The following BTBD8 variants were observed in gnomAD, a reference collection of about 807,000 sequenced individuals.
BTBD8 encodes BTB/POZ domain-containing protein 8.
A neutral mutation model predicts 162.9 loss-of-function variants in BTBD8; 110 were observed. The observed-to-expected ratio is 0.68, with a 90% CI of 0.58 to 0.79. The LOEUF (loss-of-function observed/expected upper bound fraction) is 0.79. Ranked by LOEUF, BTBD8 falls within the 30% of genes least tolerant of loss-of-function variation. The probability of loss-of-function intolerance (pLI) is 0.00; values close to 1 mark genes in which losing one functional copy is unlikely to be tolerated. For synonymous variants in BTBD8, 667 were observed against 716.1 expected (o/e 0.93, Z 1.10); for missense variants, 1,905 against 2,085.4 (o/e 0.91, Z 1.68).
chr1:92,177,350 C>G lies in BTBD8; in HGVS notation c.2157C>G (p.Cys719Trp). 3 of 1,551,800 alleles carry G rather than the reference C, an allele frequency of 1.9e-6. No individual in the cohort carries two copies. Among genetic ancestry groups the G allele is most frequent in the Non-Finnish European group, 2.6e-6 (3 of 1,147,030 alleles). Residue 719 changes from cysteine (C) to tryptophan (W), a missense_variant, in exon 14 of 18, where the codon TGC becomes TGG. Transcript: ENST00000636805. ...AAGCTACAGGGAAGGATTCACCATG[C>G]CTCAGCATCGCAGGACCCTCCAGCA... ...LKKATGKDSP[C>W]LSIAGPSSRS...
At chr1:92,100,251 G>GT (rs1381140707) in intron 2 of BTBD8, among the ~76,000 whole-genome samples, 1 of 151,960 alleles carries the variant, frequency 6.6e-6, no homozygotes, top group Non-Finnish European at 1.5e-5. Flanking sequence ...TTTGTTGAGG[G>GT]TTTTTTTATT....
intron 13 of BTBD8, among the ~76,000 whole-genome samples, chr1:92,176,238 A>G (rs565247050): frequency 8.9e-4 from 135 of 152,224 alleles, no homozygotes; most frequent in Non-Finnish European, 1.6e-3. Context: ...GAAAATCTTT[A>G]TAATGTCCCT....
At chr1:92,149,850 C>T (rs1420141958) in intron 9 of BTBD8, among the ~76,000 whole-genome samples, 4 of 152,156 alleles carry the variant, frequency 2.6e-5, no homozygotes, top group Admixed American at 6.5e-5. Context: ...ATACCCATAG[C>T]GTCCAGACTG....
rs1650927686 is a variant in BTBD8 at position 92,182,073 on chromosome 1, G to T, written c.4390G>T (p.Asp1464Tyr). Reference protein sequence around the residue: ...EVHTPFQASVDSFSPSDVFDG... With the variant: ...EVHTPFQASVYSFSPSDVFDG... ...CCATACTCCCTTTCAGGCTTCTGTA[G>T]ATTCTTTTTCACCTTCTGATGTTTT... is the stretch of plus-strand genomic sequence containing the variant. The change falls in exon 17 of 18, where the codon GAT (aspartate) becomes TAT (tyrosine). Residue 1464 changes from aspartate (D) to tyrosine (Y), a missense_variant. Physicochemically the swap from Asp to Tyr is radical, Grantham distance 160 (BLOSUM62 -3). Around this residue, in one of 3 missense-constraint regions of BTBD8, gnomAD observed 517 missense variants for 606.6 expected, o/e 0.85. Transcript: ENST00000636805. 1.3e-6 allele frequency: 2 copies of T among 1,551,516 alleles called. No homozygotes were observed. Among genetic ancestry groups the T allele is most frequent in the African/African-American group, 1.4e-5 (1 of 73,120 alleles).
At chr1:92,152,423 A>T (rs753247203) in intron 9 of BTBD8, among the ~76,000 whole-genome samples, 1 of 152,214 alleles carries the variant, frequency 6.6e-6, no homozygotes, top group Non-Finnish European at 1.5e-5. Flanking sequence ...ACATAGAATC[A>T]CACAGGTTAA....
chr1:92,181,220 G>T lies in BTBD8; in HGVS notation c.3537G>T (p.Leu1179Phe). The change falls in exon 17 of 18, where the codon TTG (leucine) becomes TTT (phenylalanine). Residue 1179 changes from leucine to phenylalanine, a missense_variant. Coordinates refer to ENST00000636805, the MANE Select transcript of BTBD8 (RefSeq NM_001376131.1). ...AAGGACTGACAATTCCTAGTAAGTTGTCAGATGAATCTGCTATGGATGAAG... is the reference window on the plus strand; with the variant it reads ...AAGGACTGACAATTCCTAGTAAGTTTTCAGATGAATCTGCTATGGATGAAG... ...PVEGLTIPSK[L>F]SDESAMDEDK... 6.4e-7 allele frequency: 1 copy of T among 1,551,766 alleles called. No individual in the cohort carries two copies. The highest frequency in any genetic ancestry group is 8.7e-7 in the Non-Finnish European group (1 of 1,146,996).
At chr1:92,177,932 T>C (rs1447054189) in intron 15 of BTBD8, 34 bp downstream of exon 15, 8 of 1,084,654 alleles carry the variant, frequency 7.4e-6, no homozygotes, top group Non-Finnish European at 1.1e-5. Context: ...ACCTATCTGT[T>C]AGCTTTCTCT....
intron 2 of BTBD8, among the ~76,000 whole-genome samples, chr1:92,101,475 G>A (rs931826084): frequency 3.9e-5 from 6 of 152,100 alleles, no homozygotes; most frequent in African/African-American, 7.2e-5. Flanking sequence ...GACAGCTCCC[G>A]CAGGCACACT....
chr1:92,085,610 C>G (rs1032806419), intron 1 of BTBD8, among the ~76,000 whole-genome samples: 1 of 151,926 alleles, frequency 6.6e-6, no homozygotes. Flanking sequence ...CACACCTGTA[C>G]TCCCAGCTAC....
chr1:92,132,949 A>C (rs550051478), intron 5 of BTBD8, among the ~76,000 whole-genome samples: 1 of 152,144 alleles, frequency 6.6e-6, no homozygotes, highest in South Asian at 2.1e-4. Context: ...TTATTATCAC[A>C]CAGTGCTATG....
At position 92,172,918 on chromosome 1, in the gene BTBD8, A is replaced by G. The variant is rs368161513; in HGVS notation, c.1635+1458A>G. Among the ~76,000 whole-genome samples the G allele has an allele frequency of 1.1e-3, 161 of 152,148 alleles. 1 individual carries two copies. The South Asian group carries it at 0.012, about 11-fold the overall frequency. On this transcript the variant is annotated intron_variant, in intron 13 of 17. Coordinates refer to ENST00000636805, the MANE Select transcript of BTBD8 (RefSeq NM_001376131.1). ...ACTATAAGTTGGAGAGTAGCTACAC[A>G]CCATAGCTCCTCTTTTTATTTTTTG...
chr1:92,100,746 A>T (rs1648568776), intron 2 of BTBD8, among the ~76,000 whole-genome samples: 1 of 151,928 alleles, frequency 6.6e-6, no homozygotes, highest in Non-Finnish European at 1.5e-5. Context: ...AGTAGCTGGG[A>T]TTACAGGCAC....
At chr1:92,157,687 A>G (rs1487783987) in intron 9 of BTBD8, among the ~76,000 whole-genome samples, 3 of 150,348 alleles carry the variant, frequency 2.0e-5, no homozygotes, top group African/African-American at 7.4e-5. Flanking sequence ...TGGTAGGGAT[A>G]GGGTCTTGCT....
intron 5 of BTBD8, among the ~76,000 whole-genome samples, chr1:92,138,756 G>A (rs976992516): frequency 6.6e-6 from 1 of 152,202 alleles, no homozygotes; most frequent in Non-Finnish European, 1.5e-5. Context: ...AACAGAAAGA[G>A]GACTAAGTTT....
At chr1:92,086,612 C>T (rs964683800) in intron 1 of BTBD8, among the ~76,000 whole-genome samples, 2 of 150,952 alleles carry the variant, frequency 1.3e-5, no homozygotes, top group Non-Finnish European at 2.9e-5. Flanking sequence ...GCCTGGGCAA[C>T]AGGGCAAGAC....
intron 2 of BTBD8, among the ~76,000 whole-genome samples, chr1:92,089,105 G>A (rs1284216541): frequency 6.6e-6 from 1 of 152,070 alleles, no homozygotes; most frequent in Non-Finnish European, 1.5e-5. Context: ...AGTACTGGTA[G>A]TACAATATTA....
At position 92,080,643 on chromosome 1, in the gene BTBD8, G is replaced by T; in HGVS notation, c.72G>T (p.Gly24=). The T allele has an allele frequency of 6.2e-7, 1 of 1,613,916 alleles. No homozygotes were observed. The highest frequency in any genetic ancestry group is 8.5e-7 in the Non-Finnish European group (1 of 1,179,884). The change falls in exon 1 of 18, where the codon GGG becomes GGT. Residue 24 remains glycine (G), a synonymous_variant. Transcript: ENST00000636805. ...LLGSAGVCSK[G]LQRKGPCERR... is the part of the protein sequence containing the mutation. ...GGTCCGCTGGAGTTTGCAGTAAGGG[G>T]TTGCAAAGGAAGGGGCCGTGTGAGC...
chr1:92,121,208 T>C (rs1649201280), intron 4 of BTBD8, among the ~76,000 whole-genome samples: 1 of 152,244 alleles, frequency 6.6e-6, no homozygotes, highest in Non-Finnish European at 1.5e-5. Context: ...AATGAAAAAA[T>C]AATCTTACAT....
At chr1:92,118,803 C>CTTTTTTTTTTTTTTT (rs386367658) in intron 4 of BTBD8, among the ~76,000 whole-genome samples, 38 of 95,272 alleles carry the variant, frequency 4.0e-4, no homozygotes, top group Admixed American at 6.2e-4. Context: ...TTCTTTCTTT[C>CTTTTTTTTTTTTTTT]TTTTTTTTTT....
Sources: allele counts gnomAD v4.1 joint callset (sites outside exome capture counted in the v4.1 genomes callset), GRCh38; gene constraint gnomAD v4.1.1; regional missense constraint gnomAD v4.1.1; transcripts MANE v1.5; gene names NCBI Gene and HGNC (gene_info 2026-07-23, HGNC 2026-07-21).